The following TBC1D32 variants were observed in gnomAD, a reference collection of about 807,000 sequenced individuals.
TBC1D32 encodes the protein TBC1 domain family member 32.
A neutral mutation model predicts 170.3 loss-of-function variants in TBC1D32; 151 were observed. That is an observed-to-expected ratio of 0.89 (90% CI 0.78 to 1.01). The LOEUF (loss-of-function observed/expected upper bound fraction) is 1.01. Ranked by LOEUF, TBC1D32 falls within the 50% of genes least tolerant of loss-of-function variation. The probability of loss-of-function intolerance (pLI) is 0.00; values close to 1 mark genes in which losing one functional copy is unlikely to be tolerated. For missense variants in TBC1D32, 1,464 were observed against 1,457.1 expected (o/e 1.00, Z -0.08); for synonymous variants, 498 against 488.0 (o/e 1.02, Z -0.27).
At chr6:121,309,826 T>C (rs1807898995) in intron 4 of TBC1D32, among the ~76,000 whole-genome samples, 1 of 152,058 alleles carries the variant, frequency 6.6e-6, no homozygotes, top group Non-Finnish European at 1.5e-5. Context: ...TTGAGCACAG[T>C]ATTTTGAGAT....
In TBC1D32 at chr6:121,327,142, G is replaced by T. The variant is rs1374333939; in HGVS notation, c.156-5348C>A. On this transcript the variant is annotated intron_variant, in intron 1 of 31. Transcript: ENST00000398212. ...CCAAAAGATGGGAGACAGGGAGGGA[G>T]CAAGAGTTAAAAAAAACTACCTATC... Among the ~76,000 whole-genome samples, 3 of 17,242 alleles carry T rather than the reference G, an allele frequency of 1.7e-4. No homozygotes were observed. The East Asian group carries it at 6.4e-3, about 37-fold the overall frequency. 11.3% of individuals were successfully genotyped at this position (17,242 alleles called of 152,430 possible).
At chr6:121,308,308 G>T (rs1032902962) in intron 4 of TBC1D32, among the ~76,000 whole-genome samples, 9 of 151,382 alleles carry the variant, frequency 5.9e-5, no homozygotes, top group Non-Finnish European at 1.2e-4. Context: ...TGCTGTTTGT[G>T]TAAAGCAAAA....
chr6:121,158,867 T>C (rs959189394), intron 24 of TBC1D32, among the ~76,000 whole-genome samples: 7 of 152,158 alleles, frequency 4.6e-5, no homozygotes, highest in African/African-American at 1.7e-4. Context: ...GCCTAAAAAT[T>C]CTGTTTGAAT....
intron 20 of TBC1D32, among the ~76,000 whole-genome samples, chr6:121,223,626 TG>T (rs1794761745): frequency 6.6e-6 from 1 of 152,182 alleles, no homozygotes; most frequent in South Asian, 2.1e-4. Context: ...CTTAAAAGTT[TG>T]GTTCTGACAA....
chr6:121,221,459 G>A (rs886921480), intron 21 of TBC1D32, among the ~76,000 whole-genome samples: 1 of 152,186 alleles, frequency 6.6e-6, no homozygotes, highest in Admixed American at 6.5e-5. Context: ...GGCTATAACT[G>A]CCATAAATAG....
intron 15 of TBC1D32, among the ~76,000 whole-genome samples, chr6:121,263,358 T>C (rs1354961866): frequency 1.3e-5 from 2 of 152,036 alleles, no homozygotes; most frequent in Non-Finnish European, 2.9e-5. Context: ...CATTACATAA[T>C]GGTAAAGGGA....
At position 121,251,575 on chromosome 6, in the gene TBC1D32, A is replaced by C. The variant is rs139075514; in HGVS notation, c.2018+3753T>G. 4.9e-3 allele frequency among the ~76,000 whole-genome samples: 754 copies of C among 152,324 alleles called. 7 individuals are homozygous for C. Among genetic ancestry groups the C allele is most frequent in the African/African-American group, 0.017 (720 of 41,574 alleles). ...TAACTCAAGATGGATTAAAGACTTA[A>C]ACATAAAATCTAAAACCATAAAAAC... On this transcript the variant is annotated intron_variant, in intron 17 of 31. Coordinates refer to ENST00000398212, the MANE Select transcript of TBC1D32 (RefSeq NM_152730.6).
At chr6:121,153,658 G>T (rs1784484443) in intron 24 of TBC1D32, among the ~76,000 whole-genome samples, 1 of 152,144 alleles carries the variant, frequency 6.6e-6, no homozygotes, top group Admixed American at 6.5e-5. Context: ...GCCCCTGACT[G>T]GGGCTGCTGC....
chr6:121,212,281 T>C (rs185186647), intron 21 of TBC1D32, among the ~76,000 whole-genome samples: 3 of 152,212 alleles, frequency 2.0e-5, no homozygotes, highest in Non-Finnish European at 4.4e-5. Context: ...CACAGCTGAA[T>C]TCTACCAGAT....
At chr6:121,231,077 A>G (rs938858544) in intron 20 of TBC1D32, among the ~76,000 whole-genome samples, 3 of 152,146 alleles carry the variant, frequency 2.0e-5, no homozygotes, top group African/African-American at 7.2e-5. Flanking sequence ...TTAGAATAAT[A>G]GTCTCCAATT....
intron 22 of TBC1D32, among the ~76,000 whole-genome samples, chr6:121,171,705 G>A (rs1787031218): frequency 6.6e-6 from 1 of 152,100 alleles, no homozygotes; most frequent in Non-Finnish European, 1.5e-5. Context: ...GTGAAATACT[G>A]ATAATTAATA....
chr6:121,133,857 A>C (rs1781719522), intron 24 of TBC1D32, among the ~76,000 whole-genome samples: 1 of 152,072 alleles, frequency 6.6e-6, no homozygotes, highest in South Asian at 2.1e-4. Flanking sequence ...CTCTGTCAGA[A>C]GCAATAACTA....
intron 24 of TBC1D32, among the ~76,000 whole-genome samples, chr6:121,150,779 G>C (rs1467494898): frequency 1.3e-5 from 2 of 152,174 alleles, no homozygotes; most frequent in Non-Finnish European, 2.9e-5. Flanking sequence ...AGATTTTCTA[G>C]TTTATTTGCA....
chr6:121,316,920 CTCTAG>C (rs1236368526), intron 3 of TBC1D32, among the ~76,000 whole-genome samples: 2 of 152,280 alleles, frequency 1.3e-5, no homozygotes, highest in East Asian at 3.9e-4. Context: ...CATGCATAGG[CTCTAG>C]TCTAGCTAGT....
intron 22 of TBC1D32, among the ~76,000 whole-genome samples, chr6:121,201,166 T>C: frequency 6.6e-6 from 1 of 151,494 alleles, no homozygotes; most frequent in East Asian, 1.9e-4. Flanking sequence ...TTCCCCATAC[T>C]AGCACAGTCT....
intron 22 of TBC1D32, among the ~76,000 whole-genome samples, chr6:121,193,813 T>C (rs1199756062): frequency 6.6e-6 from 1 of 152,130 alleles, no homozygotes; most frequent in African/African-American, 2.4e-5. Flanking sequence ...ATTTGAATTA[T>C]AAAAAGAGAA....
At chr6:121,202,640 G>T (rs1268456112) in intron 22 of TBC1D32, among the ~76,000 whole-genome samples, 1 of 151,160 alleles carries the variant, frequency 6.6e-6, no homozygotes, top group Non-Finnish European at 1.5e-5. Flanking sequence ...TCTTTGGGTG[G>T]TTTGTTGTAT....
chr6:121,255,872 T>C lies in TBC1D32; in HGVS notation c.1935+212A>G, dbSNP rs572523180. Reference sequence around the variant, plus strand: ...AGAAGAAAAGAATCTGTAGTACCCATTTAAGTCTTAGAACTTTGTCCCACT... The same window carrying C: ...AGAAGAAAAGAATCTGTAGTACCCACTTAAGTCTTAGAACTTTGTCCCACT... On this transcript the variant is annotated intron_variant, in intron 16 of 31. Transcript: ENST00000398212. Among the ~76,000 whole-genome samples, 12 of 152,234 alleles carry C rather than the reference T, an allele frequency of 7.9e-5. 1 individual carries two copies. The South Asian group carries it at 2.5e-3, about 32-fold the overall frequency.
intron 24 of TBC1D32, among the ~76,000 whole-genome samples, chr6:121,146,029 A>G (rs1783391328): frequency 6.6e-6 from 1 of 152,206 alleles, no homozygotes; most frequent in South Asian, 2.1e-4. Flanking sequence ...AAGCTGGGGT[A>G]GGCAAGATCA....
Sources: allele counts gnomAD v4.1 joint callset (sites outside exome capture counted in the v4.1 genomes callset), GRCh38; gene constraint gnomAD v4.1.1; transcripts MANE v1.5; gene names NCBI Gene and HGNC (gene_info 2026-07-23, HGNC 2026-07-21).